The following TNKS variants were observed in gnomAD, a reference collection of about 807,000 sequenced individuals.
The protein encoded by TNKS is tankyrase.
In TNKS, 72 loss-of-function variants were observed where a neutral mutation model predicts 135.8. The observed-to-expected ratio is 0.53, with a 90% CI of 0.44 to 0.64. TNKS has a LOEUF of 0.64. Ranked by LOEUF, TNKS falls within the 30% of genes least tolerant of loss-of-function variation. The pLI, the probability that TNKS is intolerant of heterozygous loss-of-function variation, is 0.00. For missense variants in TNKS, 1,769 were observed against 1,674.0 expected (o/e 1.06, Z -0.99); for synonymous variants, 849 against 649.3 (o/e 1.31, Z -4.68).
At chr8:9,609,055 A>G (rs1356651428) in intron 2 of TNKS, among the ~76,000 whole-genome samples, 2 of 152,150 alleles carry the variant, frequency 1.3e-5, no homozygotes, top group Non-Finnish European at 2.9e-5. Context: ...TAATTCTTTT[A>G]TACATTTGCC....
At chr8:9,662,736 A>C (rs1020374027) in intron 3 of TNKS, among the ~76,000 whole-genome samples, 3 of 152,222 alleles carry the variant, frequency 2.0e-5, no homozygotes, top group Admixed American at 2.0e-4. Context: ...CCTAAAACCT[A>C]AAGTATAATA....
chr8:9,671,547 G>T (rs770846742), intron 3 of TNKS, among the ~76,000 whole-genome samples: 1 of 152,078 alleles, frequency 6.6e-6, no homozygotes, highest in Admixed American at 6.5e-5. Flanking sequence ...ATGGCATTCC[G>T]TAAAATAAAA....
intron 12 of TNKS, among the ~76,000 whole-genome samples, chr8:9,721,341 TTGTC>T (rs1307862202): frequency 4.1e-5 from 5 of 122,894 alleles, no homozygotes; most frequent in Admixed American, 1.7e-4. Flanking sequence ...GAATGTTTCA[TTGTC>T]TGCCTGGTAT....
intron 20 of TNKS, among the ~76,000 whole-genome samples, chr8:9,755,827 G>A (rs1268204204): frequency 6.6e-6 from 1 of 152,022 alleles, no homozygotes; most frequent in Admixed American, 6.5e-5. Flanking sequence ...TTTATTTCTG[G>A]TCCCAGAAGA....
At chr8:9,730,751 A>G in intron 13 of TNKS, 139 bp from the exon 14 acceptor site, 2 of 974,620 alleles carry the variant, frequency 2.1e-6, no homozygotes, top group East Asian at 2.7e-5. Context: ...AAACATTTGT[A>G]TTGTCTAATC....
chr8:9,652,741 T>C (rs1450004173), intron 3 of TNKS, among the ~76,000 whole-genome samples: 2 of 152,208 alleles, frequency 1.3e-5, no homozygotes, highest in Non-Finnish European at 2.9e-5. Context: ...ATTATTATCA[T>C]CATCATCACT....
Position 9,774,672 on chromosome 8 carries a change from G to T in TNKS, c.3898-1978G>T, listed in dbSNP as rs186561444. Among the ~76,000 whole-genome samples the T allele has an allele frequency of 2.0e-5, 3 of 152,184 alleles. No individual in the cohort carries two copies. The East Asian group carries it at 5.8e-4, about 29-fold the overall frequency. The stretch of plus-strand genomic sequence containing the variant: ...TTAAAGGGCACACAGAAACAATTCA[G>T]TAGCCTAATCATTAGGAACCGGGAG... On this transcript the variant is annotated intron_variant, in intron 26 of 26. Coordinates refer to ENST00000310430, the MANE Select transcript of TNKS (RefSeq NM_003747.3).
intron 1 of TNKS, chr8:9,557,988 G>T (rs1005979862): frequency 2.6e-5 from 4 of 152,196 alleles, no homozygotes; most frequent in Non-Finnish European, 5.9e-5. Flanking sequence ...AGTAATTGAA[G>T]TGTAGAGTTC....
chr8:9,619,855 A>T (rs4474027), intron 3 of TNKS, among the ~76,000 whole-genome samples: 1 of 149,958 alleles, frequency 6.7e-6, no homozygotes, highest in Non-Finnish European at 1.5e-5. Context: ...CATCTTTAGC[A>T]TAACCAGTGA....
chr8:9,752,822 A>T (rs1013933027), intron 20 of TNKS, among the ~76,000 whole-genome samples, 196 bp downstream of exon 20: 3 of 152,072 alleles, frequency 2.0e-5, no homozygotes, highest in African/African-American at 2.4e-5. Context: ...TTAGCTGAGC[A>T]TGGTGACTTA....
At chr8:9,664,060 A>G (rs1368065684) in intron 3 of TNKS, among the ~76,000 whole-genome samples, 1 of 152,206 alleles carries the variant, frequency 6.6e-6, no homozygotes, top group African/African-American at 2.4e-5. Flanking sequence ...GCCCCCAGCC[A>G]TCAGTCGTCT....
At position 9,706,803 on chromosome 8, in the gene TNKS, C is replaced by G. The variant is rs754243996; in HGVS notation, c.1270-8C>G. Reference sequence around the variant, plus strand: ...TACTGACCTAAAATGTTTTTTTTCTCAATTCAGCATGGAGCTTGTGTTAAT... The same window carrying G: ...TACTGACCTAAAATGTTTTTTTTCTGAATTCAGCATGGAGCTTGTGTTAAT... On this transcript the variant is annotated splice_polypyrimidine_tract_variant and splice_region_variant and intron_variant, in intron 7 of 26. Coordinates refer to ENST00000310430, the MANE Select transcript of TNKS (RefSeq NM_003747.3). 12 of 1,580,766 alleles carry G rather than the reference C, an allele frequency of 7.6e-6. No homozygotes were observed. Among genetic ancestry groups the G allele is most frequent in the African/African-American group, 1.4e-5 (1 of 72,276 alleles).
intron 1 of TNKS, among the ~76,000 whole-genome samples, chr8:9,571,151 T>C (rs1037233995): frequency 1.3e-5 from 2 of 152,148 alleles, no homozygotes; most frequent in African/African-American, 4.8e-5. Flanking sequence ...CTACAACAAA[T>C]TCTATGTTGA....
At chr8:9,725,678 C>A (rs1322114742) in intron 12 of TNKS, among the ~76,000 whole-genome samples, 1 of 152,168 alleles carries the variant, frequency 6.6e-6, no homozygotes, top group Admixed American at 6.5e-5. Flanking sequence ...GATTATAGAG[C>A]CCAGTCTAAA....
intron 3 of TNKS, among the ~76,000 whole-genome samples, chr8:9,626,982 C>G (rs904100210): frequency 6.6e-6 from 1 of 152,126 alleles, no homozygotes; most frequent in African/African-American, 2.4e-5. Flanking sequence ...GGAGGCTGGT[C>G]ATTGGATAGA....
At chr8:9,593,802 G>A (rs1798673664) in intron 2 of TNKS, among the ~76,000 whole-genome samples, 1 of 152,132 alleles carries the variant, frequency 6.6e-6, no homozygotes, top group Non-Finnish European at 1.5e-5. Context: ...CGGGATTGGG[G>A]ATGGGGGAAA....
chr8:9,556,991 C>T (rs1315411446), intron 1 of TNKS: 11 of 393,284 alleles, frequency 2.8e-5, no homozygotes, highest in South Asian at 5.3e-5. Flanking sequence ...AAGGGTATGT[C>T]CTTTGAGGAC....
chr8:9,705,533 G>C (rs1327656679), intron 6 of TNKS, among the ~76,000 whole-genome samples: 3 of 152,044 alleles, frequency 2.0e-5, no homozygotes, highest in Non-Finnish European at 4.4e-5. Context: ...CTCAATGCTT[G>C]AGACACTTAC....
At chr8:9,560,710 G>A (rs1393870460) in intron 1 of TNKS, among the ~76,000 whole-genome samples, 1 of 151,576 alleles carries the variant, frequency 6.6e-6, no homozygotes, top group African/African-American at 2.4e-5. Flanking sequence ...CCCTGTCTGA[G>A]GATGTAAGAA....
Sources: allele counts gnomAD v4.1 joint callset (sites outside exome capture counted in the v4.1 genomes callset), GRCh38; gene constraint gnomAD v4.1.1; transcripts MANE v1.5; gene names NCBI Gene and HGNC (gene_info 2026-07-23, HGNC 2026-07-21).